POLE2: variants seen among roughly 807,000 people sequenced by gnomAD.
The protein encoded by POLE2 is DNA polymerase epsilon 2, accessory subunit, also known as DNA polymerase epsilon subunit 2.
POLE2 carries 56 observed loss-of-function variants against 79.4 expected under a neutral mutation model. The ratio of observed to expected loss-of-function variants is 0.71; its 90% CI spans 0.57 to 0.88. POLE2 has a LOEUF of 0.88. Ranked by LOEUF, POLE2 falls within the 40% of genes least tolerant of loss-of-function variation. POLE2 has a pLI of 0.00. For synonymous variants in POLE2, 212 were observed against 214.0 expected (o/e 0.99, Z 0.08); for missense variants, 598 against 638.9 (o/e 0.94, Z 0.69).
chr14:49,682,640 GAAAAAAAAAA>G (rs35984833), intron 2 of POLE2, among the ~76,000 whole-genome samples: 7 of 60,980 alleles, frequency 1.1e-4, no homozygotes, highest in South Asian at 1.2e-3. Flanking sequence ...CCTTCTCAGG[GAAAAAAAAAA>G]AAAAAAAAAA....
Position 49,677,485 on chromosome 14 carries a change from C to T in POLE2, c.245+2240G>A, listed in dbSNP as rs550759190. The T allele has an allele frequency of 9.7e-4, 464 of 479,194 alleles. 1 individual carries two copies. The highest frequency in any genetic ancestry group is 1.5e-3 in the Non-Finnish European group (384 of 262,308). The allele number at this position is 479,194 out of a possible 1,614,324, so 29.7% of individuals were successfully genotyped here. A position where few individuals can be genotyped will look rare whatever the true frequency, so the allele number is the denominator to read the frequency against. On this transcript the variant is annotated intron_variant, in intron 3 of 18. Transcript: ENST00000216367. ...AGCCAGTTTTAATACACTTGGATGC[C>T]ATGAATCAAGCATGCCTCACATGAA...
chr14:49,666,500 T>C (rs12432319), intron 6 of POLE2, 87 bp from the exon 7 acceptor site: 84,965 of 499,878 alleles, frequency 0.17, 8,246 homozygotes, highest in African/African-American at 0.25. Context: ...ATTTGGGGTA[T>C]ACATTTCAGC....
chr14:49,676,887 C>T (rs1012822536), intron 3 of POLE2, among the ~76,000 whole-genome samples: 9 of 152,220 alleles, frequency 5.9e-5, no homozygotes, highest in Non-Finnish European at 1.2e-4. Context: ...AATCATGATC[C>T]CTGGGCGCTT....
intron 3 of POLE2, chr14:49,679,476 G>A (rs1566568542): frequency 2.7e-6 from 1 of 374,598 alleles, no homozygotes. Context: ...AACCGGTTGG[G>A]TAGGCAGCAA....
chr14:49,661,214 C>CA (rs11357716), intron 10 of POLE2, among the ~76,000 whole-genome samples: 25 of 150,282 alleles, frequency 1.7e-4, no homozygotes, highest in South Asian at 8.5e-4. Flanking sequence ...TCTTCAAATG[C>CA]AAAAAAAAAC....
At position 49,655,346 on chromosome 14, in the gene POLE2, T is replaced by C. The variant is rs565666396; in HGVS notation, c.929-252A>G. Reference sequence around the variant, plus strand: ...AGGTTAAGTAACCTGCCCAGGGTAATAGGCTTGCACTTAAACCCAGTTTGT... The same window carrying C: ...AGGTTAAGTAACCTGCCCAGGGTAACAGGCTTGCACTTAAACCCAGTTTGT... On this transcript the variant is annotated intron_variant, in intron 11 of 18. Coordinates refer to ENST00000216367, the MANE Select transcript of POLE2 (RefSeq NM_002692.4). 9.2e-5 allele frequency among the ~76,000 whole-genome samples: 14 copies of C among 152,114 alleles called. No homozygotes were observed. In the South Asian group the frequency reaches 1.0e-3, roughly 11 times the overall value.
intron 18 of POLE2, among the ~76,000 whole-genome samples, chr14:49,644,116 G>A (rs1883588342): frequency 6.7e-6 from 1 of 149,642 alleles, no homozygotes; most frequent in South Asian, 2.1e-4. Context: ...CTGACCTCAG[G>A]TGATCCACCC....
intron 17 of POLE2, 192 bp downstream of exon 17, chr14:49,650,073 T>C: frequency 5.9e-6 from 2 of 340,050 alleles, no homozygotes; most frequent in Non-Finnish European, 1.0e-5. Flanking sequence ...CATGTTACTT[T>C]ATAGTCACTA....
chr14:49,654,888 A>G (rs757141568), intron 12 of POLE2, 50 bp from the exon 13 acceptor site: 1 of 1,446,832 alleles, frequency 6.9e-7, no homozygotes, highest in South Asian at 1.5e-5. Flanking sequence ...ATGCCATAAA[A>G]TTATATTTGA....
intron 2 of POLE2, chr14:49,681,505 G>A (rs1287756693): frequency 2.0e-5 from 3 of 152,444 alleles, no homozygotes; most frequent in African/African-American, 4.8e-5. Flanking sequence ...CAGGTGTGGT[G>A]GCTCACGCCC....
At position 49,667,552 on chromosome 14, in the gene POLE2, CT is replaced by C. The variant is rs34430638; in HGVS notation, c.493-1140del. On this transcript the variant is annotated intron_variant, in intron 6 of 18. Coordinates refer to ENST00000216367, the MANE Select transcript of POLE2 (RefSeq NM_002692.4). ...TCTTGGCCCACTACACAGATAGAAA[CT>C]TTTTTTTTTTTTTTTGAGATGGGGT... Among the ~76,000 whole-genome samples, 345 of 141,340 alleles carry C rather than the reference CT, an allele frequency of 2.4e-3. 1 individual carries two copies. The highest frequency in any genetic ancestry group is 7.4e-3 in the Middle Eastern group (2 of 270). 92.7% of individuals were successfully genotyped at this position (141,340 alleles called of 152,430 possible).
chr14:49,654,647 A>G (rs1466575252), intron 13 of POLE2, 137 bp downstream of exon 13: 1 of 1,010,446 alleles, frequency 9.9e-7, no homozygotes, highest in Non-Finnish European at 1.4e-6. Flanking sequence ...GGATAACTTT[A>G]TCTCTTAGTT....
chr14:49,667,827 C>T (rs925706904), intron 6 of POLE2, among the ~76,000 whole-genome samples: 2 of 151,964 alleles, frequency 1.3e-5, no homozygotes, highest in African/African-American at 2.4e-5. Flanking sequence ...TTTATCTTTA[C>T]GTTTTATCTT....
chr14:49,680,694 T>C (rs1437500542), intron 2 of POLE2, among the ~76,000 whole-genome samples: 2 of 151,746 alleles, frequency 1.3e-5, no homozygotes, highest in East Asian at 3.9e-4. Context: ...CACTTTGATA[T>C]GTTGTCAAGC....
rs112711798 is a variant in POLE2, at chr14:49,656,223, C to T, written c.756-380G>A. ...ACAAAAAATTAGCCGGGCGACGTGG[C>T]GGGCGCCTGTAGTCCCAGCTACTCT... On this transcript the variant is annotated intron_variant, in intron 10 of 18. Transcript: ENST00000216367. 1.8e-3 allele frequency among the ~76,000 whole-genome samples: 272 copies of T among 152,056 alleles called. 2 individuals are homozygous for T. The highest frequency in any genetic ancestry group is 5.8e-3 in the African/African-American group (240 of 41,468).
intron 6 of POLE2, among the ~76,000 whole-genome samples, chr14:49,667,112 C>A (rs1040618017): frequency 2.0e-5 from 3 of 151,590 alleles, no homozygotes; most frequent in Non-Finnish European, 2.9e-5. Context: ...GGTGTGAACC[C>A]GGGAGGCGGA....
intron 5 of POLE2, 143 bp downstream of exon 5, chr14:49,673,980 T>C (rs1181056776): frequency 3.0e-6 from 2 of 667,576 alleles, no homozygotes; most frequent in Non-Finnish European, 5.4e-6. Flanking sequence ...ATCACAGAAA[T>C]CTTAATAACA....
intron 5 of POLE2, among the ~76,000 whole-genome samples, chr14:49,671,072 G>A (rs1027866285): frequency 6.6e-6 from 1 of 152,196 alleles, no homozygotes; most frequent in Non-Finnish European, 1.5e-5. Flanking sequence ...AATATGGATG[G>A]ACTGAACTTC....
chr14:49,664,618 T>C lies in POLE2; in HGVS notation c.682+8A>G. 6.4e-7 allele frequency: 1 copy of C among 1,558,712 alleles called. No homozygotes were observed. The highest frequency in any genetic ancestry group is 1.1e-5 in the South Asian group (1 of 89,782). On this transcript the variant is annotated splice_region_variant and intron_variant, in intron 9 of 18. Coordinates refer to ENST00000216367, the MANE Select transcript of POLE2 (RefSeq NM_002692.4). ...GAAGAAGGACAGTAACAAAGTATAC[T>C]GACTTACCTTCTGCTAAGACAAAGC...
Sources: allele counts gnomAD v4.1 joint callset (sites outside exome capture counted in the v4.1 genomes callset), GRCh38; gene constraint gnomAD v4.1.1; transcripts MANE v1.5; gene names NCBI Gene and HGNC (gene_info 2026-07-23, HGNC 2026-07-21).